Variants in CAMKMT observed in about 807,000 individuals in gnomAD.
CAMKMT encodes the protein calmodulin-lysine N-methyltransferase, also known as CaM KMT.
In CAMKMT, 53 loss-of-function variants were observed where a neutral mutation model predicts 48.0. The ratio of observed to expected loss-of-function variants is 1.10; its 90% CI spans 0.89 to 1.39. The LOEUF is 1.39. CAMKMT is among the 40% of genes most tolerant of loss of function. The pLI is 0.00. For missense variants in CAMKMT, 428 were observed against 402.7 expected (o/e 1.06, Z -0.54); for synonymous variants, 165 against 152.3 (o/e 1.08, Z -0.61).
At chr2:44,392,718 A>T (rs1391511991) in intron 3 of CAMKMT, among the ~76,000 whole-genome samples, 4 of 151,998 alleles carry the variant, frequency 2.6e-5, no homozygotes, top group Non-Finnish European at 5.9e-5. Flanking sequence ...ATACAAAAAA[A>T]TAGATTTTTC....
chr2:44,491,946 A>G (rs1338254981), intron 3 of CAMKMT, among the ~76,000 whole-genome samples: 1 of 152,218 alleles, frequency 6.6e-6, no homozygotes, highest in East Asian at 1.9e-4. Context: ...AGTTCTACTA[A>G]TATTACTGAT....
rs1676567229 is a variant in CAMKMT, at chr2:44,690,212, GC to G, written c.377-14068del. Among the ~76,000 whole-genome samples, 3 of 152,308 alleles carry G rather than the reference GC, an allele frequency of 2.0e-5. No individual in the cohort carries two copies. The South Asian group carries it at 6.2e-4, about 32-fold the overall frequency. Reference sequence around the variant, plus strand: ...TTTCTTTAAAATGTCACAGGCTAGAGCCCACTGGTAATTTTATAGTTTTCAT... The same window carrying G: ...TTTCTTTAAAATGTCACAGGCTAGAGCCACTGGTAATTTTATAGTTTTCAT... On this transcript the variant is annotated intron_variant, in intron 3 of 10. Transcript: ENST00000378494.
At chr2:44,432,390 G>A (rs1400858686) in intron 3 of CAMKMT, among the ~76,000 whole-genome samples, 2 of 152,144 alleles carry the variant, frequency 1.3e-5, no homozygotes, top group African/African-American at 2.4e-5. Flanking sequence ...CACTGATTAC[G>A]AAGGCACCCC....
At chr2:44,402,309 A>T (rs56313929) in intron 3 of CAMKMT, among the ~76,000 whole-genome samples, 2 of 50,348 alleles carry the variant, frequency 4.0e-5, no homozygotes, top group African/African-American at 7.5e-5. Flanking sequence ...AGCTTGGGTG[A>T]CACAGCAAGA....
intron 7 of CAMKMT, among the ~76,000 whole-genome samples, chr2:44,736,764 T>A (rs1217169510): frequency 1.3e-5 from 2 of 152,170 alleles, no homozygotes; most frequent in South Asian, 2.1e-4. Context: ...AGTCTTCTCT[T>A]TTGCGGTGTC....
intron 2 of CAMKMT, among the ~76,000 whole-genome samples, chr2:44,377,109 C>T (rs900520526): frequency 6.6e-6 from 1 of 152,050 alleles, no homozygotes; most frequent in Non-Finnish European, 1.5e-5. Context: ...CAGGCTTAAG[C>T]AATCCGCCCG....
At chr2:44,626,334 T>C (rs902246392) in intron 3 of CAMKMT, among the ~76,000 whole-genome samples, 1 of 152,216 alleles carries the variant, frequency 6.6e-6, no homozygotes, top group Non-Finnish European at 1.5e-5. Context: ...TCCAATTGTT[T>C]AGTGCTAGCA....
rs1031156001 is a variant in CAMKMT at position 44,657,107 on chromosome 2, A to G, written c.377-47176A>G. Reference sequence around the variant, plus strand: ...ATATCTGAGGATACAGGCAGTTGCTAATTTGTTCTAATGTGCTGGTCAGAG... The same window carrying G: ...ATATCTGAGGATACAGGCAGTTGCTGATTTGTTCTAATGTGCTGGTCAGAG... On this transcript the variant is annotated intron_variant, in intron 3 of 10. Transcript: ENST00000378494. The surrounding 1 kb of genome is among the most constrained non-coding windows in gnomAD (Gnocchi z 4.3). Among the ~76,000 whole-genome samples the G allele has an allele frequency of 6.6e-6, 1 of 152,196 alleles. No homozygotes were observed. Among genetic ancestry groups the G allele is most frequent in the Non-Finnish European group, 1.5e-5 (1 of 68,030 alleles).
At chr2:44,740,124 ATTTT>A (rs753300790) in intron 7 of CAMKMT, among the ~76,000 whole-genome samples, 1,383 of 120,184 alleles carry the variant, frequency 0.012, 8 homozygotes, top group South Asian at 0.034. Flanking sequence ...TGATTGCTGC[ATTTT>A]TTTTTTTTTT....
chr2:44,542,499 A>G (rs963101016), intron 3 of CAMKMT, among the ~76,000 whole-genome samples: 8 of 26,136 alleles, frequency 3.1e-4, no homozygotes. Flanking sequence ...ATACACATAC[A>G]CACACACACA....
chr2:44,630,498 C>T (rs1251743212), intron 3 of CAMKMT, among the ~76,000 whole-genome samples: 2 of 149,228 alleles, frequency 1.3e-5, no homozygotes, highest in African/African-American at 2.4e-5. Flanking sequence ...ACCTACTCAT[C>T]TGACAAAGGG....
chr2:44,388,347 T>G (rs1680978439), intron 2 of CAMKMT, among the ~76,000 whole-genome samples: 1 of 152,226 alleles, frequency 6.6e-6, no homozygotes, highest in Non-Finnish European at 1.5e-5. Context: ...TGAAGTTTTC[T>G]GACATTTTGA....
At chr2:44,521,437 C>T (rs1432914205) in intron 3 of CAMKMT, among the ~76,000 whole-genome samples, 1 of 152,080 alleles carries the variant, frequency 6.6e-6, no homozygotes, top group Non-Finnish European at 1.5e-5. Context: ...CACCACCACA[C>T]CTGGCCAATG....
In CAMKMT at chr2:44,506,364, G is replaced by T. The variant is rs188692016; in HGVS notation, c.376+116059G>T. Reference sequence around the variant, plus strand: ...TGGAGAATTTTTCTCATGCCTTAAGGATTTTGTAAATAAAGGGATGATTCT... The same window carrying T: ...TGGAGAATTTTTCTCATGCCTTAAGTATTTTGTAAATAAAGGGATGATTCT... On this transcript the variant is annotated intron_variant, in intron 3 of 10. Coordinates refer to ENST00000378494, the MANE Select transcript of CAMKMT (RefSeq NM_024766.5). 1.6e-3 allele frequency among the ~76,000 whole-genome samples: 241 copies of T among 152,162 alleles called. 3 individuals carry two copies. The highest frequency in any genetic ancestry group is 5.6e-3 in the South Asian group (27 of 4,824).
At chr2:44,441,104 A>G (rs577728376) in intron 3 of CAMKMT, among the ~76,000 whole-genome samples, 62 of 152,222 alleles carry the variant, frequency 4.1e-4, no homozygotes, top group African/African-American at 1.2e-3. Flanking sequence ...CTCTTCCTTA[A>G]CAATTTTTTT....
intron 3 of CAMKMT, among the ~76,000 whole-genome samples, chr2:44,613,462 G>C (rs1308343755): frequency 6.6e-6 from 1 of 152,158 alleles, no homozygotes; most frequent in Non-Finnish European, 1.5e-5. Context: ...ACATCATTCT[G>C]ATTGGTCAGG....
chr2:44,432,011 G>A (rs979357267), intron 3 of CAMKMT, among the ~76,000 whole-genome samples: 5 of 152,162 alleles, frequency 3.3e-5, no homozygotes, highest in African/African-American at 7.2e-5. Context: ...GTGGTCCTGG[G>A]TCCAAAAATC....
chr2:44,476,790 A>C (rs529153909), intron 3 of CAMKMT, among the ~76,000 whole-genome samples: 1 of 152,314 alleles, frequency 6.6e-6, no homozygotes, highest in Admixed American at 6.5e-5. Flanking sequence ...GTCTTAGGCA[A>C]GCCATGTAAT....
At chr2:44,578,811 A>T (rs1669382049) in intron 3 of CAMKMT, among the ~76,000 whole-genome samples, 1 of 152,228 alleles carries the variant, frequency 6.6e-6, no homozygotes, top group African/African-American at 2.4e-5. Flanking sequence ...AGTTAGAAGA[A>T]GTTGAAGACC....
Sources: allele counts gnomAD v4.1 joint callset (sites outside exome capture counted in the v4.1 genomes callset), GRCh38; gene constraint gnomAD v4.1.1; non-coding constraint Gnocchi (gnomAD v3.1); transcripts MANE v1.5; gene names NCBI Gene and HGNC (gene_info 2026-07-23, HGNC 2026-07-21).